The following PTPRK variants were observed in gnomAD, a reference collection of about 807,000 sequenced individuals.
PTPRK encodes receptor-type tyrosine-protein phosphatase kappa.
PTPRK carries 75 observed loss-of-function variants against 178.0 expected under a neutral mutation model. The ratio of observed to expected loss-of-function variants is 0.42; its 90% CI spans 0.35 to 0.51. The LOEUF (loss-of-function observed/expected upper bound fraction) is 0.51. Ranked by LOEUF, PTPRK falls within the 20% of genes least tolerant of loss-of-function variation. The pLI, the probability that PTPRK is intolerant of heterozygous loss-of-function variation, is 0.02. For missense variants in PTPRK, 1,441 were observed against 1,797.8 expected, an observed-to-expected ratio of 0.80 and a Z score of 3.59; for synonymous variants, 637 against 620.6, an observed-to-expected ratio of 1.03 and a Z score of -0.39.
intron 1 of PTPRK, among the ~76,000 whole-genome samples, chr6:128,428,017 C>T (rs1487197127): frequency 6.6e-6 from 1 of 151,888 alleles, no homozygotes; most frequent in African/African-American, 2.4e-5. Flanking sequence ...CACTTGAACC[C>T]GGGAGGCGGA....
intron 13 of PTPRK, among the ~76,000 whole-genome samples, chr6:128,038,269 TCTTA>T (rs1434010795): frequency 1.3e-5 from 2 of 152,170 alleles, no homozygotes; most frequent in African/African-American, 2.4e-5. Context: ...ATGACATTTG[TCTTA>T]CTGTCATTCT....
At chr6:128,346,798 A>T (rs1330523864) in intron 2 of PTPRK, among the ~76,000 whole-genome samples, 1 of 152,112 alleles carries the variant, frequency 6.6e-6, no homozygotes, top group Non-Finnish European at 1.5e-5. Flanking sequence ...TACCGTGAGG[A>T]ATATATTGGA....
chr6:128,371,802 G>T (rs1180532473), intron 2 of PTPRK, among the ~76,000 whole-genome samples: 2 of 151,982 alleles, frequency 1.3e-5, no homozygotes, highest in African/African-American at 2.4e-5. Flanking sequence ...CTTAAACCTG[G>T]GAGGTCGAGG....
At chr6:128,221,949 A>C (rs563201006) in intron 5 of PTPRK, among the ~76,000 whole-genome samples, 1 of 152,092 alleles carries the variant, frequency 6.6e-6, no homozygotes, top group South Asian at 2.1e-4. Context: ...TTTCCATACA[A>C]TCTTCCTAAT....
chr6:128,197,008 C>A (rs751559209), intron 6 of PTPRK, among the ~76,000 whole-genome samples: 30 of 151,984 alleles, frequency 2.0e-4, no homozygotes, highest in Non-Finnish European at 3.8e-4. Context: ...AGGAAGGCTA[C>A]TATTTTAAAC....
intron 7 of PTPRK, among the ~76,000 whole-genome samples, chr6:128,135,114 A>T (rs888263645): frequency 2.1e-4 from 32 of 149,642 alleles, no homozygotes; most frequent in Non-Finnish European, 3.3e-4. Flanking sequence ...ACACACACAC[A>T]CTCTCCTAAT....
chr6:128,364,749 T>C (rs1437958037), intron 2 of PTPRK, among the ~76,000 whole-genome samples: 1 of 152,104 alleles, frequency 6.6e-6, no homozygotes, highest in South Asian at 2.1e-4. Context: ...CCTAAACTTG[T>C]ACATTTTTAA....
chr6:128,249,916 T>C (rs369618165), intron 3 of PTPRK, among the ~76,000 whole-genome samples: 5 of 152,178 alleles, frequency 3.3e-5, no homozygotes, highest in Non-Finnish European at 4.4e-5. Flanking sequence ...TCATCTTGCA[T>C]TGTAGCTCCT....
intron 2 of PTPRK, among the ~76,000 whole-genome samples, chr6:128,346,714 C>G (rs538340103): frequency 1.1e-4 from 17 of 152,124 alleles, no homozygotes; most frequent in African/African-American, 4.1e-4. Context: ...CACTCTTGAA[C>G]AAATTGTTTC....
chr6:128,187,122 T>C (rs985833137), intron 6 of PTPRK, among the ~76,000 whole-genome samples: 1 of 152,118 alleles, frequency 6.6e-6, no homozygotes, highest in African/African-American at 2.4e-5. Context: ...AACCTGAACT[T>C]ATGTGAGTAT....
chr6:128,296,749 G>T (rs561100417), intron 3 of PTPRK, among the ~76,000 whole-genome samples: 2 of 152,040 alleles, frequency 1.3e-5, no homozygotes, highest in Non-Finnish European at 2.9e-5. Context: ...AGGAACAACC[G>T]GTACCAGCCA....
chr6:128,113,586 G>A (rs1052337525), intron 7 of PTPRK, among the ~76,000 whole-genome samples: 2 of 151,898 alleles, frequency 1.3e-5, no homozygotes, highest in Non-Finnish European at 2.9e-5. Flanking sequence ...AAAGTATATA[G>A]GAGGATATGC....
chr6:128,312,187 C>A (rs1827328404), intron 3 of PTPRK, among the ~76,000 whole-genome samples: 2 of 152,172 alleles, frequency 1.3e-5, no homozygotes, highest in African/African-American at 4.8e-5. Flanking sequence ...CAGGGCAGGA[C>A]CCTTTCTAGT....
At chr6:128,101,404 C>A (rs570622834) in intron 7 of PTPRK, among the ~76,000 whole-genome samples, 5 of 152,116 alleles carry the variant, frequency 3.3e-5, no homozygotes, top group African/African-American at 1.2e-4. Flanking sequence ...AGACTAAAAC[C>A]TTAAAGACAT....
At chr6:128,343,335 A>G (rs1831939978) in intron 2 of PTPRK, among the ~76,000 whole-genome samples, 1 of 152,024 alleles carries the variant, frequency 6.6e-6, no homozygotes, top group African/African-American at 2.4e-5. Context: ...CCCTGTTTCT[A>G]CTAAAAATAC....
intron 1 of PTPRK, among the ~76,000 whole-genome samples, chr6:128,511,248 C>T (rs1026555451): frequency 6.6e-6 from 1 of 152,136 alleles, no homozygotes; most frequent in African/African-American, 2.4e-5. Flanking sequence ...TAGAGATCAC[C>T]TAGTGGTCCA....
At chr6:128,294,873 A>C (rs1347578594) in intron 3 of PTPRK, among the ~76,000 whole-genome samples, 1 of 152,206 alleles carries the variant, frequency 6.6e-6, no homozygotes, top group Non-Finnish European at 1.5e-5. Context: ...CATAATGATA[A>C]GTTTGTAAAT....
At chr6:128,035,436 C>T (rs548154415) in intron 13 of PTPRK, among the ~76,000 whole-genome samples, 14 of 152,190 alleles carry the variant, frequency 9.2e-5, no homozygotes, top group Non-Finnish European at 1.9e-4. Flanking sequence ...TCCTTCGCTG[C>T]TTACTGCCAA....
intron 3 of PTPRK, among the ~76,000 whole-genome samples, chr6:128,256,003 T>A (rs1817234868): frequency 6.6e-6 from 1 of 152,218 alleles, no homozygotes; most frequent in Non-Finnish European, 1.5e-5. Flanking sequence ...TACCAATTTT[T>A]AAAAATTTGA....
Sources: allele counts gnomAD v4.1 joint callset (sites outside exome capture counted in the v4.1 genomes callset), GRCh38; gene constraint gnomAD v4.1.1; transcripts MANE v1.5; gene names NCBI Gene and HGNC (gene_info 2026-07-23, HGNC 2026-07-21).